Variants in ANO10 observed in about 807,000 individuals in gnomAD.
ANO10 encodes the protein anoctamin-10.
In ANO10, 77 loss-of-function variants were observed where a neutral mutation model predicts 74.7. The ratio of observed to expected loss-of-function variants is 1.03; its 90% confidence interval spans 0.86 to 1.25. The LOEUF is 1.25. ANO10 is among the 50% of genes most tolerant of loss of function. The pLI is 0.00. For synonymous variants in ANO10, 279 were observed against 284.9 expected (o/e 0.98, Z 0.21); for missense variants, 721 against 778.1 (o/e 0.93, Z 0.87).
At chr3:43,373,382 A>T (rs996820385) in intron 12 of ANO10, among the ~76,000 whole-genome samples, 2 of 152,078 alleles carry the variant, frequency 1.3e-5, no homozygotes, top group African/African-American at 4.8e-5. Context: ...AAGAAAATCA[A>T]ATCCCCATTC....
intron 1 of ANO10, among the ~76,000 whole-genome samples, chr3:43,678,202 AT>A (rs2084147663): frequency 6.6e-6 from 1 of 152,212 alleles, no homozygotes; most frequent in African/African-American, 2.4e-5. Flanking sequence ...AGTCTTAAAT[AT>A]TTCATGCCAT....
chr3:43,369,140 GC>G (rs1312592854), intron 12 of ANO10, among the ~76,000 whole-genome samples: 6 of 152,230 alleles, frequency 3.9e-5, no homozygotes, highest in Admixed American at 3.9e-4. Context: ...CTTCTGGGGT[GC>G]CCCCCACTTG....
At chr3:43,528,360 A>G (rs1318178196) in intron 11 of ANO10, among the ~76,000 whole-genome samples, 2 of 152,196 alleles carry the variant, frequency 1.3e-5, no homozygotes, top group African/African-American at 4.8e-5. Context: ...TTATAACTCA[A>G]TAATCAAACC....
intron 11 of ANO10, among the ~76,000 whole-genome samples, chr3:43,544,796 TAAAAAAAA>T (rs556665373): frequency 1.8e-5 from 2 of 110,938 alleles, no homozygotes; most frequent in Admixed American, 9.7e-5. Context: ...CTGTCTGAAA[TAAAAAAAA>T]AAAAAAAAAA....
intron 4 of ANO10, among the ~76,000 whole-genome samples, chr3:43,584,381 A>G (rs2081383953): frequency 6.6e-6 from 1 of 152,168 alleles, no homozygotes; most frequent in African/African-American, 2.4e-5. Context: ...GCTTTAATAG[A>G]TGGACAGTGG....
At chr3:43,449,515 C>CTTTTTTTTTTTT (rs61265406) in intron 11 of ANO10, among the ~76,000 whole-genome samples, 22 of 107,128 alleles carry the variant, frequency 2.1e-4, no homozygotes, top group Middle Eastern at 9.4e-3. Context: ...TATCTAGATT[C>CTTTTTTTTTTTT]TTTTTTTTTT....
At chr3:43,604,906 T>A (rs1408171375) in intron 2 of ANO10, among the ~76,000 whole-genome samples, 3 of 152,178 alleles carry the variant, frequency 2.0e-5, no homozygotes, top group African/African-American at 7.2e-5. Context: ...TTGAAAAAAA[T>A]TTTAATTCCA....
intron 7 of ANO10, among the ~76,000 whole-genome samples, chr3:43,566,201 G>C (rs911245231): frequency 6.6e-6 from 1 of 152,036 alleles, no homozygotes; most frequent in African/African-American, 2.4e-5. Flanking sequence ...ACGGAGTCTC[G>C]CTGATTGCTA....
At chr3:43,541,353 A>G (rs2078945773) in intron 11 of ANO10, among the ~76,000 whole-genome samples, 1 of 152,210 alleles carries the variant, frequency 6.6e-6, no homozygotes, top group Admixed American at 6.5e-5. Flanking sequence ...GCATTTATTC[A>G]TTTAATCCTC....
At chr3:43,572,658 C>G (rs1169460463) in intron 7 of ANO10, among the ~76,000 whole-genome samples, 2 of 152,164 alleles carry the variant, frequency 1.3e-5, no homozygotes, top group African/African-American at 4.8e-5. Context: ...CCATCTCTTC[C>G]AGGAGTTCCC....
At chr3:43,622,646 A>G (rs59062993), upstream of ANO10, among the ~76,000 whole-genome samples, 856 of 152,196 alleles carry the variant, frequency 5.6e-3, 8 homozygotes, top group African/African-American at 0.019. Flanking sequence ...TTCCACCTCC[A>G]GGCTCAGAGT....
intron 12 of ANO10, among the ~76,000 whole-genome samples, chr3:43,377,097 T>C (rs2091830472): frequency 6.6e-6 from 1 of 152,196 alleles, no homozygotes; most frequent in African/African-American, 2.4e-5. Context: ...TTACTTTTTT[T>C]TTGAGACAGG....
chr3:43,640,209 AG>A (rs1224810255), intron 1 of ANO10, among the ~76,000 whole-genome samples: 1 of 152,192 alleles, frequency 6.6e-6, no homozygotes, highest in Admixed American at 6.5e-5. Context: ...GTGTGCTTTG[AG>A]GGAACAGGGA....
At chr3:43,568,483 A>G (rs559882799) in intron 7 of ANO10, among the ~76,000 whole-genome samples, 2,724 of 151,298 alleles carry the variant, frequency 0.018, 60 homozygotes, top group African/African-American at 0.061. Context: ...ATAACAAACT[A>G]TCTCTCAGAC....
chr3:43,415,788 C>T (rs539239293), intron 12 of ANO10, among the ~76,000 whole-genome samples: 147 of 152,164 alleles, frequency 9.7e-4, no homozygotes, highest in Non-Finnish European at 1.8e-3. Context: ...GTGATCCACC[C>T]GCCTCGGCCT....
chr3:43,429,006 A>G (rs967883292), intron 12 of ANO10, among the ~76,000 whole-genome samples: 2 of 152,152 alleles, frequency 1.3e-5, no homozygotes, highest in Non-Finnish European at 2.9e-5. Context: ...TTCTCAAAGA[A>G]GATGAGCATA....
intron 1 of ANO10, among the ~76,000 whole-genome samples, chr3:43,620,496 T>G (rs1048300047): frequency 2.6e-5 from 4 of 152,154 alleles, no homozygotes; most frequent in Non-Finnish European, 5.9e-5. Flanking sequence ...TGAAAAAAGT[T>G]GGCCAGCACA....
intron 12 of ANO10, among the ~76,000 whole-genome samples, chr3:43,408,761 G>C (rs1200386357): frequency 2.6e-5 from 4 of 152,202 alleles, no homozygotes; most frequent in African/African-American, 9.6e-5. Context: ...CAGGCACAGT[G>C]GCTCACGTTT....
chr3:43,397,015 T>C (rs986586979), intron 12 of ANO10, among the ~76,000 whole-genome samples: 13 of 151,374 alleles, frequency 8.6e-5, no homozygotes, highest in Non-Finnish European at 1.8e-4. Context: ...CTGCAACCTC[T>C]GCCTCCCTGG....
Sources: allele counts gnomAD v4.1 joint callset (sites outside exome capture counted in the v4.1 genomes callset), GRCh38; gene constraint gnomAD v4.1.1; transcripts MANE v1.5; gene names NCBI Gene and HGNC (gene_info 2026-07-23, HGNC 2026-07-21).